The following PLCL2 variants were observed in gnomAD, a reference collection of about 807,000 sequenced individuals.
PLCL2 encodes the protein inactive phospholipase C-like protein 2.
In PLCL2, 4 loss-of-function variants were observed where a neutral mutation model predicts 79.6. That is an observed-to-expected ratio of 0.05 (90% confidence interval 0.02 to 0.11). The LOEUF (loss-of-function observed/expected upper bound fraction) is 0.11. PLCL2 is among the 10% of genes least tolerant of loss of function. PLCL2 has a pLI of 1.00. For missense variants in PLCL2, 895 were observed against 1,291.0 expected, an observed-to-expected ratio of 0.69 and a Z score of 4.70; for synonymous variants, 484 against 457.7, an observed-to-expected ratio of 1.06 and a Z score of -0.73.
At chr3:17,075,408 T>C (rs1191050569) in intron 5 of PLCL2, among the ~76,000 whole-genome samples, 4 of 152,090 alleles carry the variant, frequency 2.6e-5, no homozygotes, top group African/African-American at 9.7e-5. Flanking sequence ...CAATAACTAA[T>C]ATAATAATAG....
At chr3:17,016,569 G>C (rs913491139) in intron 3 of PLCL2, among the ~76,000 whole-genome samples, 2 of 152,164 alleles carry the variant, frequency 1.3e-5, no homozygotes, top group Admixed American at 6.5e-5. Flanking sequence ...CCCCATCCTC[G>C]GGGAGCCATC....
At chr3:16,895,946 A>C (rs1279751913) in intron 1 of PLCL2, among the ~76,000 whole-genome samples, 2 of 152,190 alleles carry the variant, frequency 1.3e-5, no homozygotes, top group African/African-American at 4.8e-5. Context: ...ACACTTGGGG[A>C]TAATAATTGA....
intron 1 of PLCL2, among the ~76,000 whole-genome samples, chr3:16,970,640 G>A (rs2063852436): frequency 6.7e-6 from 1 of 148,466 alleles, no homozygotes; most frequent in African/African-American, 2.5e-5. Flanking sequence ...TCGCCACACT[G>A]TCTTCCACAA....
chr3:16,958,780 CT>C (rs2124966890), intron 1 of PLCL2, among the ~76,000 whole-genome samples: 1 of 152,300 alleles, frequency 6.6e-6, no homozygotes, highest in Admixed American at 6.5e-5. Context: ...GTTTAATAAA[CT>C]GTTGAGAATG....
At chr3:16,993,482 T>C (rs1349389417) in intron 1 of PLCL2, among the ~76,000 whole-genome samples, 2 of 152,182 alleles carry the variant, frequency 1.3e-5, no homozygotes, top group Non-Finnish European at 2.9e-5. Flanking sequence ...TAGAGTTGCG[T>C]AATGGACTGA....
At chr3:16,976,179 G>A (rs1352354763) in intron 1 of PLCL2, among the ~76,000 whole-genome samples, 2 of 152,132 alleles carry the variant, frequency 1.3e-5, no homozygotes, top group Non-Finnish European at 2.9e-5. Context: ...CAGAAAAACA[G>A]AACCAATATG....
At chr3:16,945,817 A>G (rs1214836047) in intron 1 of PLCL2, among the ~76,000 whole-genome samples, 1 of 152,200 alleles carries the variant, frequency 6.6e-6, no homozygotes, top group African/African-American at 2.4e-5. Context: ...GTTCCACTTT[A>G]TGAATGAAGT....
intron 1 of PLCL2, among the ~76,000 whole-genome samples, chr3:16,891,158 C>A (rs1201528280): frequency 6.6e-6 from 1 of 152,170 alleles, no homozygotes; most frequent in Non-Finnish European, 1.5e-5. Context: ...GTGGTGGGAA[C>A]AATAGAAAGT....
intron 4 of PLCL2, among the ~76,000 whole-genome samples, chr3:17,052,154 C>G (rs1314768146): frequency 1.3e-5 from 2 of 150,500 alleles, no homozygotes; most frequent in East Asian, 3.9e-4. Flanking sequence ...CAATAAATTC[C>G]TGCTGGAGAA....
intron 2 of PLCL2, among the ~76,000 whole-genome samples, chr3:17,013,086 C>G (rs1390031496): frequency 1.3e-5 from 2 of 152,176 alleles, no homozygotes; most frequent in Non-Finnish European, 1.5e-5. Flanking sequence ...TTTTCTTTCT[C>G]TTAAAGTAAA....
chr3:17,003,766 C>G (rs1286216452), intron 1 of PLCL2, among the ~76,000 whole-genome samples: 1 of 152,142 alleles, frequency 6.6e-6, no homozygotes, highest in Non-Finnish European at 1.5e-5. Flanking sequence ...TTTGTTGATG[C>G]AAGCTCCTGA....
intron 1 of PLCL2, among the ~76,000 whole-genome samples, chr3:16,945,731 G>C (rs1406112215): frequency 2.0e-5 from 3 of 152,134 alleles, no homozygotes; most frequent in Non-Finnish European, 4.4e-5. Flanking sequence ...GTTAACATCA[G>C]CAGTCATCGG....
At chr3:17,075,653 G>C (rs1207071685) in intron 5 of PLCL2, among the ~76,000 whole-genome samples, 1 of 151,672 alleles carries the variant, frequency 6.6e-6, no homozygotes, top group Non-Finnish European at 1.5e-5. Flanking sequence ...TTGTCACCCT[G>C]CTCCCCCAAA....
At chr3:17,020,074 T>C (rs2064431442) in intron 3 of PLCL2, among the ~76,000 whole-genome samples, 1 of 152,196 alleles carries the variant, frequency 6.6e-6, no homozygotes, top group Admixed American at 6.5e-5. Flanking sequence ...TGACTTTTAC[T>C]ATTCTTTTTA....
At position 17,090,278 on chromosome 3, in the gene PLCL2, G is replaced by T; in HGVS notation, c.*366G>T. On this transcript the variant is annotated 3_prime_UTR_variant, in exon 6 of 6. Transcript: ENST00000615277. ...TGGATTGTCAAATTATTATTTATTG[G>T]AGAAAAAAACCTGATCTACACATTT... The T allele has an allele frequency of 1.0e-6, 1 of 969,540 alleles. No individual in the cohort carries two copies. Among genetic ancestry groups the T allele is most frequent in the Non-Finnish European group, 1.2e-6 (1 of 820,230 alleles). The allele number at this position is 969,540 out of a possible 1,614,324, so 60.1% of individuals were successfully genotyped here.
chr3:17,001,085 T>C (rs2064206615), intron 1 of PLCL2, among the ~76,000 whole-genome samples: 1 of 152,176 alleles, frequency 6.6e-6, no homozygotes, highest in South Asian at 2.1e-4. Context: ...TTTTTTCTCT[T>C]TTTGATAATA....
At chr3:16,935,502 C>T (rs1030290971) in intron 1 of PLCL2, among the ~76,000 whole-genome samples, 10 of 152,038 alleles carry the variant, frequency 6.6e-5, no homozygotes, top group African/African-American at 2.4e-4. Flanking sequence ...CATTTATTTT[C>T]ATTTTTTACC....
intron 1 of PLCL2, among the ~76,000 whole-genome samples, chr3:16,995,967 G>A (rs750330412): frequency 3.3e-5 from 5 of 152,250 alleles, no homozygotes; most frequent in South Asian, 2.1e-4. Flanking sequence ...CCCTTTCACC[G>A]AAGGCCTAGG....
At chr3:16,921,186 C>A (rs976474899) in intron 1 of PLCL2, among the ~76,000 whole-genome samples, 7 of 152,204 alleles carry the variant, frequency 4.6e-5, no homozygotes, top group African/African-American at 1.7e-4. Context: ...AGGGAGAGAG[C>A]TAGTCAGATA....
Sources: gnomAD v4.1 joint callset for allele counts (sites outside exome capture counted in the v4.1 genomes callset) on GRCh38, gnomAD v4.1.1 for gene constraint, MANE v1.5 for transcripts, NCBI Gene and HGNC (gene_info 2026-07-23, HGNC 2026-07-21) for gene names.